EML4: variants seen among roughly 807,000 people sequenced by gnomAD.
EML4 encodes the protein echinoderm microtubule-associated protein-like 4.
A neutral mutation model predicts 129.0 loss-of-function variants in EML4; 72 were observed. The observed-to-expected ratio is 0.56, with a 90% CI of 0.46 to 0.68. The LOEUF (loss-of-function observed/expected upper bound fraction) is 0.68. Among genes scored for constraint, EML4 ranks in the 30% least tolerant of loss-of-function variants. The probability of loss-of-function intolerance (pLI) is 0.00; values close to 1 mark genes in which losing one functional copy is unlikely to be tolerated. For synonymous variants in EML4, 532 were observed against 405.0 expected, an observed-to-expected ratio of 1.31 and a Z score of -3.77; for missense variants, 1,363 against 1,190.6, an observed-to-expected ratio of 1.14 and a Z score of -2.13.
chr2:42,247,662 G>GATTTATTTATTTATTT (rs368933918), intron 2 of EML4, among the ~76,000 whole-genome samples: 1 of 151,822 alleles, frequency 6.6e-6, no homozygotes, highest in African/African-American at 2.4e-5. Flanking sequence ...TTGCTTGCTT[G>GATTTATTTATTTATTT]ATTTATTTAT....
intron 1 of EML4, among the ~76,000 whole-genome samples, chr2:42,215,984 G>A (rs1042416540): frequency 4.0e-5 from 6 of 151,472 alleles, no homozygotes; most frequent in Non-Finnish European, 8.8e-5. Context: ...GCAGAGGCAC[G>A]ATCTCAGCTC....
rs1409544980 is a variant in EML4 at position 42,295,191 on chromosome 2, G to T, written c.1285G>T (p.Gly429Cys). ...AGATGCAAATACCATAATTACATGCGGTAAATCTCATATTTTCTTCTGGAC... is the reference window on the plus strand; with the variant it reads ...AGATGCAAATACCATAATTACATGCTGTAAATCTCATATTTTCTTCTGGAC... ...PTDANTIITC[G>C]KSHIFFWTWS... is the part of the protein sequence containing the mutation. The change falls in exon 12 of 23, where the codon GGT becomes TGT. Residue 429 changes from glycine to cysteine, a missense_variant. Transcript: ENST00000318522. 6.8e-6 allele frequency: 11 copies of T among 1,613,014 alleles called. No individual in the cohort carries two copies. Among genetic ancestry groups the T allele is most frequent in the Non-Finnish European group, 8.5e-6 (10 of 1,179,598 alleles).
chr2:42,325,571 T>TATA lies in EML4; in HGVS notation c.2242+17_2242+18insATA, dbSNP rs1669741236. ...TATTGTACTGTAAGTATGAATGATT[T>TATA]TATATATATATATATATGCTATGAT... On this transcript the variant is annotated intron_variant, in intron 20 of 22. Transcript: ENST00000318522. 50 of 488,552 alleles carry TATA rather than the reference T, an allele frequency of 1.0e-4. No homozygotes were observed. The highest frequency in any genetic ancestry group is 1.3e-4 in the Non-Finnish European group (38 of 285,322). 30.3% of individuals were successfully genotyped at this position (488,552 alleles called of 1,614,324 possible).
intron 1 of EML4, among the ~76,000 whole-genome samples, chr2:42,216,229 T>A (rs1158024078): frequency 1.8e-5 from 2 of 110,252 alleles, no homozygotes; most frequent in Admixed American, 9.3e-5. Context: ...CCGGCCCACT[T>A]CTTTTTTTTT....
chr2:42,265,035 C>G (rs758425861), intron 6 of EML4: 40 of 1,258,098 alleles, frequency 3.2e-5, no homozygotes, highest in South Asian at 8.0e-5. Flanking sequence ...TTTATGCTGC[C>G]TGACTTTCTT....
At chr2:42,185,872 A>C (rs1671219609) in intron 1 of EML4, among the ~76,000 whole-genome samples, 1 of 152,190 alleles carries the variant, frequency 6.6e-6, no homozygotes, top group Non-Finnish European at 1.5e-5. Flanking sequence ...AGGGCCTGAA[A>C]CAGGTCTTCC....
chr2:42,286,521 A>G, intron 10 of EML4, 142 bp downstream of exon 10: 1 of 617,490 alleles, frequency 1.6e-6, no homozygotes, highest in Non-Finnish European at 2.9e-6. Flanking sequence ...CATATTAGCT[A>G]TTGCTAAATG....
At chr2:42,235,210 C>T (rs535224812) in intron 1 of EML4, among the ~76,000 whole-genome samples, 28 of 151,864 alleles carry the variant, frequency 1.8e-4, no homozygotes, top group African/African-American at 6.0e-4. Context: ...GCAGGAGAAT[C>T]GCTTGAACCC....
At chr2:42,173,954 A>G (rs370372341) in intron 1 of EML4, among the ~76,000 whole-genome samples, 55 of 152,346 alleles carry the variant, frequency 3.6e-4, no homozygotes, top group Non-Finnish European at 2.6e-4. Flanking sequence ...ATGCTGTGCT[A>G]TGTTTCAAGC....
chr2:42,245,687 G>A lies in EML4; in HGVS notation c.208G>A (p.Gly70Ser). The part of the protein sequence containing the change: ...ASVKKSVSSK[G>S]QPSPRAVIPM... ...AGTGAAAAAATCAGTCTCAAGTAAA[G>A]GTAATTGTGTTGTAAAGTTAAAAAG... Residue 70 changes from glycine to serine, a missense_variant and splice_region_variant, in exon 2 of 23, where the codon GGC (glycine) becomes AGC (serine). Coordinates refer to ENST00000318522, the MANE Select transcript of EML4 (RefSeq NM_019063.5). 2 of 1,598,346 alleles carry A rather than the reference G, an allele frequency of 1.3e-6. No homozygotes were observed. The highest frequency in any genetic ancestry group is 1.7e-6 in the Non-Finnish European group (2 of 1,173,756).
chr2:42,252,074 T>C (rs1675809017), intron 2 of EML4, among the ~76,000 whole-genome samples: 1 of 152,182 alleles, frequency 6.6e-6, no homozygotes, highest in South Asian at 2.1e-4. Flanking sequence ...CAGATTGGGA[T>C]AGATGCAAGA....
chr2:42,233,606 C>T (rs1043125167), intron 1 of EML4, among the ~76,000 whole-genome samples: 3 of 152,058 alleles, frequency 2.0e-5, no homozygotes, highest in African/African-American at 7.2e-5. Flanking sequence ...CGCACCCAGC[C>T]CCTATTACAG....
chr2:42,236,361 A>G (rs1476687939), intron 1 of EML4, among the ~76,000 whole-genome samples: 1 of 152,202 alleles, frequency 6.6e-6, no homozygotes, highest in Non-Finnish European at 1.5e-5. Flanking sequence ...TGTTTTTATG[A>G]TGAACTATGC....
chr2:42,176,361 C>T (rs543050379), intron 1 of EML4, among the ~76,000 whole-genome samples: 1 of 152,152 alleles, frequency 6.6e-6, no homozygotes. Flanking sequence ...TTGTACAGGG[C>T]CCTCAGATTT....
intron 2 of EML4, among the ~76,000 whole-genome samples, chr2:42,248,045 T>G (rs1675525510): frequency 6.6e-6 from 1 of 152,152 alleles, no homozygotes; most frequent in Admixed American, 6.6e-5. Flanking sequence ...TCACCCAGGC[T>G]CACTGTAACC....
intron 2 of EML4, among the ~76,000 whole-genome samples, chr2:42,249,821 G>T (rs1465967779): frequency 6.6e-6 from 1 of 152,148 alleles, no homozygotes; most frequent in African/African-American, 2.4e-5. Flanking sequence ...AAGGTGGCCA[G>T]TCACTTAAAT....
intron 1 of EML4, among the ~76,000 whole-genome samples, chr2:42,197,341 C>T (rs76541076): frequency 0.012 from 1,751 of 152,040 alleles, 33 homozygotes; most frequent in African/African-American, 0.04. Context: ...TGGGTTTACA[C>T]GCATGAGCCA....
intron 1 of EML4, among the ~76,000 whole-genome samples, chr2:42,222,607 A>G (rs542159496): frequency 6.6e-6 from 1 of 151,730 alleles, no homozygotes; most frequent in African/African-American, 2.4e-5. Flanking sequence ...AAGTTTGCCA[A>G]CCCCTGTTCT....
chr2:42,257,836 C>CA (rs35916468), intron 3 of EML4, among the ~76,000 whole-genome samples: 15,614 of 110,482 alleles, frequency 0.14, 925 homozygotes, highest in East Asian at 0.18. Context: ...GACTCCGTCT[C>CA]AAAAAAAAAA....
Sources: gnomAD v4.1 joint callset for allele counts (sites outside exome capture counted in the v4.1 genomes callset) on GRCh38, gnomAD v4.1.1 for gene constraint, MANE v1.5 for transcripts, NCBI Gene and HGNC (gene_info 2026-07-23, HGNC 2026-07-21) for gene names.